FAR2: variants seen among roughly 807,000 people sequenced by gnomAD.
The protein encoded by FAR2 is fatty acyl-CoA reductase 2.
In FAR2, 19 loss-of-function variants were observed where a neutral mutation model predicts 56.0. The observed-to-expected ratio is 0.34, with a 90% CI of 0.24 to 0.50. The LOEUF (loss-of-function observed/expected upper bound fraction) is 0.50, where lower values mean the gene tolerates loss of function less well. Among genes scored for constraint, FAR2 ranks in the 20% least tolerant of loss-of-function variants. FAR2 has a pLI of 0.98. For synonymous variants in FAR2, 219 were observed against 218.8 expected (o/e 1.00, Z -0.01); for missense variants, 508 against 642.2 (o/e 0.79, Z 2.26).
At chr12:29,282,260 T>C (rs1362279366) in intron 2 of FAR2, 3 of 152,236 alleles carry the variant, frequency 2.0e-5, no homozygotes, top group African/African-American at 7.2e-5. Flanking sequence ...ACTGTCTTCA[T>C]GTCACTCGAG....
At chr12:29,269,089 C>G (rs140221466) in intron 1 of FAR2, among the ~76,000 whole-genome samples, 1 of 152,018 alleles carries the variant, frequency 6.6e-6, no homozygotes, top group African/African-American at 2.4e-5. Flanking sequence ...TGACAGCAAC[C>G]GGTCTGACCA....
Position 29,333,541 on chromosome 12 carries a change from A to G in FAR2, c.1386-91A>G. 3.3e-6 allele frequency: 4 copies of G among 1,198,528 alleles called. No homozygotes were observed. In the African/African-American group the frequency reaches 4.5e-5, roughly 14 times the overall value. The allele number at this position is 1,198,528 out of a possible 1,614,324, so 74.2% of individuals were successfully genotyped here. A position where few individuals can be genotyped will look rare whatever the true frequency, so the allele number is the denominator to read the frequency against. ...TCTGAGCACTTCATAAATACTTGCC[A>G]GTCATATCCAGGAAAACACATATTT... On this transcript the variant is annotated intron_variant, in intron 11 of 11. Coordinates refer to ENST00000536681, the MANE Select transcript of FAR2 (RefSeq NM_001271783.2).
chr12:29,223,319 T>C (rs1445784666), intron 1 of FAR2, among the ~76,000 whole-genome samples: 1 of 152,238 alleles, frequency 6.6e-6, no homozygotes, highest in African/African-American at 2.4e-5. Flanking sequence ...TTCCTTTCTC[T>C]GAGCAAACAC....
chr12:29,322,938 T>C (rs1414764862), intron 10 of FAR2, among the ~76,000 whole-genome samples: 3 of 152,200 alleles, frequency 2.0e-5, no homozygotes, highest in African/African-American at 4.8e-5. Flanking sequence ...CTTCACCCAC[T>C]GTCCTGCACC....
At chr12:29,291,387 C>T in intron 2 of FAR2, 1 of 455,968 alleles carries the variant, frequency 2.2e-6, no homozygotes, top group Non-Finnish European at 4.4e-6. Flanking sequence ...TAATTTTTAA[C>T]CAGGTTCTTT....
At chr12:29,268,032 A>G (rs1024939421) in intron 1 of FAR2, among the ~76,000 whole-genome samples, 2 of 152,198 alleles carry the variant, frequency 1.3e-5, no homozygotes, top group Non-Finnish European at 2.9e-5. Context: ...TTTTTAGTAA[A>G]TAATTCCCCA....
intron 1 of FAR2, among the ~76,000 whole-genome samples, chr12:29,245,472 G>A (rs973555074): frequency 1.3e-5 from 2 of 152,072 alleles, no homozygotes; most frequent in African/African-American, 4.8e-5. Flanking sequence ...ATCAGAATGG[G>A]GTTGGGCTTG....
At chr12:29,291,285 C>A in intron 2 of FAR2, 1 of 411,490 alleles carries the variant, frequency 2.4e-6, no homozygotes. Context: ...CCTGGACCAT[C>A]AGATCCACCT....
rs373776379 is a variant in FAR2, at chr12:29,293,479, C to T, written c.365+4C>T. The T allele has an allele frequency of 9.8e-5, 150 of 1,531,362 alleles. 2 individuals are homozygous for T. Among genetic ancestry groups the T allele is most frequent in the Non-Finnish European group, 1.3e-5 (15 of 1,138,676 alleles). 94.9% of individuals were successfully genotyped at this position (1,531,362 alleles called of 1,614,324 possible). ...TACGCTTTGACGACACTCTCAGGTA[C>T]ATTCCCATTTCCCTCTCATGGCTTG... On this transcript the variant is annotated splice_donor_region_variant and intron_variant, in intron 3 of 11. Transcript: ENST00000536681.
intron 8 of FAR2, among the ~76,000 whole-genome samples, chr12:29,312,918 CCAAGAATGGAAAAT>C (rs1949378387): frequency 6.6e-6 from 1 of 152,008 alleles, no homozygotes; most frequent in Non-Finnish European, 1.5e-5. Flanking sequence ...AAATGCTTTT[CCAAGAATGGAAAAT>C]ACCTGGCATG....
chr12:29,256,224 G>A (rs1170044136), intron 1 of FAR2, among the ~76,000 whole-genome samples: 2 of 151,940 alleles, frequency 1.3e-5, no homozygotes, highest in Admixed American at 1.3e-4. Flanking sequence ...GTCCTGCTTT[G>A]TCACCCAGGC....
chr12:29,210,243 A>C (rs1403897428), intron 1 of FAR2, among the ~76,000 whole-genome samples: 1 of 152,206 alleles, frequency 6.6e-6, no homozygotes, highest in Non-Finnish European at 1.5e-5. Flanking sequence ...TTAATTAGTT[A>C]AATTAATTCT....
intron 4 of FAR2, among the ~76,000 whole-genome samples, chr12:29,299,701 T>G (rs1949129615): frequency 6.6e-6 from 1 of 152,232 alleles, no homozygotes. Flanking sequence ...GGACCACCTA[T>G]CCAGCCTCAT....
chr12:29,194,253 C>T (rs1292301488), intron 1 of FAR2, among the ~76,000 whole-genome samples: 1 of 152,054 alleles, frequency 6.6e-6, no homozygotes, highest in African/African-American at 2.4e-5. Context: ...AATTTCAGAA[C>T]GAATCTTCAA....
chr12:29,213,876 C>T (rs1947588229), intron 1 of FAR2, among the ~76,000 whole-genome samples: 1 of 152,066 alleles, frequency 6.6e-6, no homozygotes, highest in Non-Finnish European at 1.5e-5. Flanking sequence ...CCACTCAACC[C>T]CAAGATGGCA....
intron 2 of FAR2, among the ~76,000 whole-genome samples, chr12:29,284,147 C>A (rs917645158): frequency 6.6e-6 from 1 of 152,248 alleles, no homozygotes. Flanking sequence ...GGGAATAAAA[C>A]CCTAAGTAGT....
chr12:29,210,945 A>AC (rs953171674), intron 1 of FAR2, among the ~76,000 whole-genome samples: 41 of 7,690 alleles, frequency 5.3e-3, no homozygotes, highest in African/African-American at 6.4e-3. Flanking sequence ...CGTCTTAAAA[A>AC]CAAAAAAAAA....
intron 1 of FAR2, among the ~76,000 whole-genome samples, chr12:29,219,308 A>T (rs1016663857): frequency 1.3e-5 from 2 of 152,238 alleles, no homozygotes; most frequent in Non-Finnish European, 2.9e-5. Flanking sequence ...AATACGTAAA[A>T]TAAAAATTAC....
At position 29,295,620 on chromosome 12, in the gene FAR2, T is replaced by C. The variant is rs1044108891; in HGVS notation, c.366-1401T>C. Among the ~76,000 whole-genome samples, 3 of 152,068 alleles carry C rather than the reference T, an allele frequency of 2.0e-5. No individual in the cohort carries two copies. In the East Asian group the frequency reaches 5.8e-4, roughly 29 times the overall value. On this transcript the variant is annotated intron_variant, in intron 3 of 11. Transcript: ENST00000536681. ...CAATATGTTTTCCCATTTTATTCAA[T>C]TTTTTATTTGTTTTTTGTTATTATA...
Sources: gnomAD v4.1 joint callset for allele counts (sites outside exome capture counted in the v4.1 genomes callset) on GRCh38, gnomAD v4.1.1 for gene constraint, MANE v1.5 for transcripts, NCBI Gene and HGNC (gene_info 2026-07-23, HGNC 2026-07-21) for gene names.